Variants in BSND observed in about 807,000 individuals in gnomAD.
The protein encoded by BSND is barttin.
In BSND, 13 loss-of-function variants were observed where a neutral mutation model predicts 18.8. The observed-to-expected ratio is 0.69, with a 90% CI of 0.45 to 1.10. BSND has a LOEUF of 1.10. Ranked by LOEUF, BSND falls within the 50% of genes least tolerant of loss-of-function variation. The probability of loss-of-function intolerance (pLI) is 0.00; values close to 1 mark genes in which losing one functional copy is unlikely to be tolerated. For missense variants in BSND, 379 were observed against 416.7 expected (o/e 0.91, Z 0.79); for synonymous variants, 170 against 161.8 (o/e 1.05, Z -0.39).
Position 55,007,245 on chromosome 1 carries a change from A to T in BSND, c.521A>T (p.Glu174Val), listed in dbSNP as rs1644396274. 6.2e-7 allele frequency: 1 copy of T among 1,610,474 alleles called. No homozygotes were observed. The highest frequency in any genetic ancestry group is 8.5e-7 in the Non-Finnish European group (1 of 1,177,282). The change falls in exon 3 of 4, where the codon GAA (glutamate) becomes GTA (valine). Residue 174 changes from glutamate to valine, a missense_variant. Coordinates refer to ENST00000651561, the MANE Select transcript of BSND (RefSeq NM_057176.3). ...IHKGSDESEG[E>V]RRLTQSWPGP... Reference sequence around the variant, plus strand: ...AAGGGCTCAGACGAGAGTGAAGGGGAAAGACGCCTAACTCAGAGCTGGCCC... The same window carrying T: ...AAGGGCTCAGACGAGAGTGAAGGGGTAAGACGCCTAACTCAGAGCTGGCCC...
chr1:55,006,358 T>C (rs932344255), intron 2 of BSND, among the ~76,000 whole-genome samples: 3 of 152,150 alleles, frequency 2.0e-5, no homozygotes, highest in African/African-American at 7.2e-5. Context: ...TCTCTGAACC[T>C]TACTTTCCAG....
intron 1 of BSND, among the ~76,000 whole-genome samples, chr1:54,999,740 G>A: frequency 6.6e-6 from 1 of 152,222 alleles, no homozygotes; most frequent in East Asian, 1.9e-4. Context: ...GCCTTTTGGT[G>A]CTTTCTGTAG....
At position 55,009,861 on chromosome 1, in the gene BSND, G is replaced by A. The variant is rs1358290404; in HGVS notation, c.*1233G>A. On this transcript the variant is annotated 3_prime_UTR_variant, in exon 4 of 4. Coordinates refer to ENST00000651561, the MANE Select transcript of BSND (RefSeq NM_057176.3). The stretch of plus-strand genomic sequence containing the variant: ...GTTGGAGAGCAGCCTGGGCAACATA[G>A]CGAAACCCTATCTCTACTAAAACTA... The A allele has an allele frequency of 6.6e-6, 1 of 152,232 alleles. No homozygotes were observed. Among genetic ancestry groups the A allele is most frequent in the African/African-American group, 2.4e-5 (1 of 41,444 alleles). The allele number at this position is 152,232 out of a possible 1,614,324, so 9.4% of individuals were successfully genotyped here.
chr1:55,003,760 G>C (rs1042074597), intron 1 of BSND, among the ~76,000 whole-genome samples: 2 of 152,182 alleles, frequency 1.3e-5, no homozygotes, highest in Non-Finnish European at 2.9e-5. Context: ...CTATGTGCTG[G>C]GGACCATGCT....
At position 55,013,983 on chromosome 1, in the gene BSND, C is replaced by G. The variant is rs1286285022; in HGVS notation, c.*5355C>G. On this transcript the variant is annotated 3_prime_UTR_variant, in exon 4 of 4. Transcript: ENST00000651561. The stretch of plus-strand genomic sequence containing the variant: ...CTGAATTAGCCCTGCTCTCCCCTTC[C>G]ACGGTGGAATCCATCTCCACTGCAC... Among the ~76,000 whole-genome samples the G allele has an allele frequency of 6.6e-6, 1 of 152,140 alleles. No homozygotes were observed. Among genetic ancestry groups the G allele is most frequent in the African/African-American group, 2.4e-5 (1 of 41,426 alleles).
Position 55,012,390 on chromosome 1 carries a change from C to T in BSND, c.*3762C>T, listed in dbSNP as rs149812144. The stretch of plus-strand genomic sequence containing the variant: ...GCAAATGTTTGTTATAAATCCCAGG[C>T]TCCAGAATCAGAAAGACCTGGTTTT... On this transcript the variant is annotated 3_prime_UTR_variant, in exon 4 of 4. Transcript: ENST00000651561. Among the ~76,000 whole-genome samples the T allele has an allele frequency of 6.2e-3, 949 of 152,324 alleles. 33 individuals are homozygous for T. The South Asian group carries it at 0.1, about 17-fold the overall frequency.
At chr1:55,000,441 CTGTG>C (rs1335160729) in intron 1 of BSND, among the ~76,000 whole-genome samples, 1 of 147,294 alleles carries the variant, frequency 6.8e-6, no homozygotes, top group African/African-American at 2.5e-5. Flanking sequence ...CATTTGTACA[CTGTG>C]TGAGTTAGGA....
Position 55,012,946 on chromosome 1 carries a change from C to A in BSND, c.*4318C>A, listed in dbSNP as rs1377385854. ...GTCAGGTGCTTCCCATAAATCATTT[C>A]ATTGAATTTAATTTTTCCATCTGCC... On this transcript the variant is annotated 3_prime_UTR_variant, in exon 4 of 4. Coordinates refer to ENST00000651561, the MANE Select transcript of BSND (RefSeq NM_057176.3). Among the ~76,000 whole-genome samples, 1 of 152,166 alleles carries A rather than the reference C, an allele frequency of 6.6e-6. No individual in the cohort carries two copies. Among genetic ancestry groups the A allele is most frequent in the Non-Finnish European group, 1.5e-5 (1 of 68,032 alleles).
chr1:55,008,258 A>G lies in BSND; in HGVS notation c.593A>G (p.Gln198Arg). 6.2e-7 allele frequency: 1 copy of G among 1,614,158 alleles called. No individual in the cohort carries two copies. Among genetic ancestry groups the G allele is most frequent in the Non-Finnish European group, 8.5e-7 (1 of 1,180,020 alleles). ...PQGPAPLASF[Q>R]DDLDMDSSEG... ...GGCCCTGCCCCCTTGGCTTCCTTCCAAGATGACCTGGACATGGACTCCAGT... is the reference window on the plus strand; with the variant it reads ...GGCCCTGCCCCCTTGGCTTCCTTCCGAGATGACCTGGACATGGACTCCAGT... The change falls in exon 4 of 4, where the codon CAA becomes CGA. Residue 198 changes from glutamine to arginine, a missense_variant. Gln to Arg is a conservative substitution (Grantham distance 43, BLOSUM62 1). Coordinates refer to ENST00000651561, the MANE Select transcript of BSND (RefSeq NM_057176.3).
rs1007278350 is a variant in BSND, at chr1:55,008,730, G to A, written c.*102G>A. On this transcript the variant is annotated 3_prime_UTR_variant, in exon 4 of 4. Transcript: ENST00000651561. The stretch of plus-strand genomic sequence containing the variant: ...ATCTGCAAAATGGGATGATATGGAG[G>A]TTCAATGAGATGGTGGCATTTTGAG... 4.6e-6 allele frequency: 7 copies of A among 1,526,218 alleles called. No homozygotes were observed. Among genetic ancestry groups the A allele is most frequent in the Middle Eastern group, 1.7e-4 (1 of 5,934 alleles). 94.5% of individuals were successfully genotyped at this position (1,526,218 alleles called of 1,614,324 possible). A position where few individuals can be genotyped will look rare whatever the true frequency, so the allele number is the denominator to read the frequency against.
In BSND at chr1:55,015,372, G is replaced by T. The variant is rs1184461148; in HGVS notation, c.*6744G>T. ...CCTGTGGCAGAGGCTGTTGCTTCCC[G>T]CCAAGACACCAGGGCCCTGGCCAAG... On this transcript the variant is annotated 3_prime_UTR_variant, in exon 4 of 4. Transcript: ENST00000651561. Among the ~76,000 whole-genome samples the T allele has an allele frequency of 6.6e-6, 1 of 152,170 alleles. No homozygotes were observed. The highest frequency in any genetic ancestry group is 1.5e-5 in the Non-Finnish European group (1 of 68,020).
Position 55,010,032 on chromosome 1 carries a change from C to T in BSND, c.*1404C>T. On this transcript the variant is annotated 3_prime_UTR_variant, in exon 4 of 4. Transcript: ENST00000651561. The stretch of plus-strand genomic sequence containing the variant: ...CTCCGGCCTGGGTGACAGAGTGAGA[C>T]CCTGCCTCAAAACAAAACAATTGGA... 6.6e-6 allele frequency: 1 copy of T among 152,334 alleles called. No individual in the cohort carries two copies. Among genetic ancestry groups the T allele is most frequent in the South Asian group, 2.1e-4 (1 of 4,822 alleles). 9.4% of individuals were successfully genotyped at this position (152,334 alleles called of 1,614,324 possible). A position where few individuals can be genotyped will look rare whatever the true frequency, so the allele number is the denominator to read the frequency against.
chr1:55,008,672 C>T lies in BSND; in HGVS notation c.*44C>T, dbSNP rs765418124. 6 of 1,613,590 alleles carry T rather than the reference C, an allele frequency of 3.7e-6. No homozygotes were observed. The South Asian group carries it at 5.5e-5, about 15-fold the overall frequency. On this transcript the variant is annotated 3_prime_UTR_variant, in exon 4 of 4. Coordinates refer to ENST00000651561, the MANE Select transcript of BSND (RefSeq NM_057176.3). The stretch of plus-strand genomic sequence containing the variant: ...CTTCTAGTCTGGAACTGCTGCTGAC[C>T]CCTGTGTGACATCACAGGGCCTCAG...
chr1:55,008,475 C>A lies in BSND; in HGVS notation c.810C>A (p.Tyr270Ter), dbSNP rs1451582678. Residue 270 changes from tyrosine (Y) to a stop codon, truncating the protein, a stop_gained, in exon 4 of 4, where the codon TAC becomes TAA. Transcript: ENST00000651561. LOFTEE classifies it low-confidence loss of function (END_TRUNC). ...CCCTGCCCAACAACTGGCAGCGGTA[C>A]CCAAGGACAAAGGTGGAGGAGAAGG... Reference protein sequence around the residue: ...EIALPNNWQRYPRTKVEEKEA... With the variant: ...EIALPNNWQR 3 of 1,614,128 alleles carry A rather than the reference C, an allele frequency of 1.9e-6. No homozygotes were observed. The highest frequency in any genetic ancestry group is 2.5e-6 in the Non-Finnish European group (3 of 1,180,004).
At position 55,015,151 on chromosome 1, in the gene BSND, G is replaced by A. The variant is rs1248221074; in HGVS notation, c.*6523G>A. Among the ~76,000 whole-genome samples the A allele has an allele frequency of 6.6e-6, 1 of 152,230 alleles. No homozygotes were observed. The highest frequency in any genetic ancestry group is 1.5e-5 in the Non-Finnish European group (1 of 68,050). On this transcript the variant is annotated 3_prime_UTR_variant, in exon 4 of 4. Transcript: ENST00000651561. ...AGGTCATATACTAACAGATACAAAA[G>A]GGAAAGGTGGCACGTATTGGTGGCA...
Position 55,008,391 on chromosome 1 carries a change from C to T in BSND, c.726C>T (p.Ala242=), listed in dbSNP as rs746800403. ...RCPLDRFQDF[A]LIDAPTLEDE... is the part of the protein sequence containing the mutation. ...CGCTGGACCGCTTCCAAGACTTTGC[C>T]CTGATTGATGCCCCAACGTTGGAGG... Residue 242 remains alanine (A), a synonymous_variant, in exon 4 of 4, where the codon GCC becomes GCT. Transcript: ENST00000651561. 2.5e-6 allele frequency: 4 copies of T among 1,614,094 alleles called. No individual in the cohort carries two copies. The East Asian group carries it at 8.9e-5, about 36-fold the overall frequency.
In BSND at chr1:55,001,553, C is replaced by T. The variant is rs141092087; in HGVS notation, c.177+2190C>T. ...CCTGTCCTCCCCTCAGCCTCCTCCC[C>T]GTGGCTCTCTGTGCCAGACCTATGG... On this transcript the variant is annotated intron_variant, in intron 1 of 3. Coordinates refer to ENST00000651561, the MANE Select transcript of BSND (RefSeq NM_057176.3). Among the ~76,000 whole-genome samples, 5 of 152,236 alleles carry T rather than the reference C, an allele frequency of 3.3e-5. No homozygotes were observed. The East Asian group carries it at 5.8e-4, about 18-fold the overall frequency.
Position 54,999,141 on chromosome 1 carries a change from A to C in BSND, c.-46A>C, listed in dbSNP as rs758796444. 71 of 1,609,954 alleles carry C rather than the reference A, an allele frequency of 4.4e-5. No individual in the cohort carries two copies. The highest frequency in any genetic ancestry group is 1.3e-5 in the African/African-American group (1 of 74,734). On this transcript the variant is annotated 5_prime_UTR_variant, in exon 1 of 4. Coordinates refer to ENST00000651561, the MANE Select transcript of BSND (RefSeq NM_057176.3). The stretch of plus-strand genomic sequence containing the variant: ...TCGGTGTTTAGGCTGAACTACAGCC[A>C]CCCCCTCTCCCGGGGGTGTGCAGGC...
At chr1:54,999,422 T>G in intron 1 of BSND, 59 bp downstream of exon 1, 1 of 1,528,984 alleles carries the variant, frequency 6.5e-7, no homozygotes, top group Non-Finnish European at 8.9e-7. Context: ...GGCTGGACAC[T>G]GTGCCTGTAT....
Sources: gnomAD v4.1 joint callset for allele counts (sites outside exome capture counted in the v4.1 genomes callset) on GRCh38, gnomAD v4.1.1 for gene constraint, MANE v1.5 for transcripts, NCBI Gene and HGNC (gene_info 2026-07-23, HGNC 2026-07-21) for gene names.